Variants in CBFA2T2 observed in about 807,000 individuals in gnomAD.
The protein encoded by CBFA2T2 is protein CBFA2T2.
CBFA2T2 carries 11 observed loss-of-function variants against 62.2 expected under a neutral mutation model. That is an observed-to-expected ratio of 0.18 (90% confidence interval 0.11 to 0.29). The LOEUF (loss-of-function observed/expected upper bound fraction) is 0.29. Ranked by LOEUF, CBFA2T2 falls within the 10% of genes least tolerant of loss-of-function variation. The pLI is 1.00. For synonymous variants in CBFA2T2, 295 were observed against 287.5 expected (o/e 1.03, Z -0.27); for missense variants, 592 against 774.1 (o/e 0.76, Z 2.79).
At chr20:33,546,671 G>A (rs2146881878) in intron 1 of CBFA2T2, among the ~76,000 whole-genome samples, 1 of 150,122 alleles carries the variant, frequency 6.7e-6, no homozygotes, top group South Asian at 2.1e-4. Context: ...TTTATTTTTT[G>A]TATTTTTTTA....
chr20:33,502,923 T>C lies in CBFA2T2; in HGVS notation c.34+12622T>C, dbSNP rs2011316987. The stretch of plus-strand genomic sequence containing the variant: ...GGCTAACACGGCGAAACCCCATCTC[T>C]ACTAAAAAATACAGAAAATTAGCCG... On this transcript the variant is annotated intron_variant, in intron 1 of 10. Transcript: ENST00000342704. Among the ~76,000 whole-genome samples the C allele has an allele frequency of 1.3e-5, 2 of 149,956 alleles. 1 individual carries two copies. The highest frequency in any genetic ancestry group is 3.0e-5 in the Non-Finnish European group (2 of 67,528).
At position 33,649,060 on chromosome 20, in the gene CBFA2T2, TA is replaced by T. The variant is rs2017154995; in HGVS notation, c.*4417del. On this transcript the variant is annotated 3_prime_UTR_variant, in exon 11 of 11. Coordinates refer to ENST00000342704, the MANE Select transcript of CBFA2T2 (RefSeq NM_001032999.3). ...CTGTCCTGGAAACTGTAGAATTGAA[TA>T]AATCACTGAAAATAGAACACTTCTT... 6.6e-6 allele frequency: 1 copy of T among 152,184 alleles called. No homozygotes were observed. The highest frequency in any genetic ancestry group is 2.4e-5 in the African/African-American group (1 of 41,444). 9.4% of individuals were successfully genotyped at this position (152,184 alleles called of 1,614,324 possible).
At position 33,647,286 on chromosome 20, in the gene CBFA2T2, T is replaced by C. The variant is rs2017085467; in HGVS notation, c.*2640T>C. The stretch of plus-strand genomic sequence containing the variant: ...AGCAGGTTTTTTATTGTTATTTTGT[T>C]TGTTTGTTTGTTTTGAGACGGGAGT... On this transcript the variant is annotated 3_prime_UTR_variant, in exon 11 of 11. Transcript: ENST00000342704. The C allele has an allele frequency of 6.6e-6, 1 of 152,226 alleles. No individual in the cohort carries two copies. The highest frequency in any genetic ancestry group is 1.5e-5 in the Non-Finnish European group (1 of 68,060). 9.4% of individuals were successfully genotyped at this position (152,226 alleles called of 1,614,324 possible). A position where few individuals can be genotyped will look rare whatever the true frequency, so the allele number is the denominator to read the frequency against.
At chr20:33,545,144 AAAT>A (rs1387157258) in intron 1 of CBFA2T2, among the ~76,000 whole-genome samples, 2 of 152,226 alleles carry the variant, frequency 1.3e-5, no homozygotes, top group African/African-American at 2.4e-5. Context: ...AACCTTTGTG[AAAT>A]AATAAGCATT....
chr20:33,519,744 A>G (rs1226644394), intron 1 of CBFA2T2, among the ~76,000 whole-genome samples: 1 of 152,102 alleles, frequency 6.6e-6, no homozygotes, highest in African/African-American at 2.4e-5. Context: ...AGGAATCTTC[A>G]TTTTCAGCAG....
Position 33,644,819 on chromosome 20 carries a change from C to T in CBFA2T2, c.*173C>T, listed in dbSNP as rs1013256610. 1.5e-5 allele frequency: 10 copies of T among 680,124 alleles called. No homozygotes were observed. The highest frequency in any genetic ancestry group is 2.4e-5 in the Non-Finnish European group (10 of 415,352). 42.1% of individuals were successfully genotyped at this position (680,124 alleles called of 1,614,324 possible). A position where few individuals can be genotyped will look rare whatever the true frequency, so the allele number is the denominator to read the frequency against. ...ACCCCACAGCCTCTCTGTGCACTTGCTGTCTGCGGAGCCAGTGTGCCATTC... is the reference window on the plus strand; with the variant it reads ...ACCCCACAGCCTCTCTGTGCACTTGTTGTCTGCGGAGCCAGTGTGCCATTC... On this transcript the variant is annotated 3_prime_UTR_variant, in exon 11 of 11. Coordinates refer to ENST00000342704, the MANE Select transcript of CBFA2T2 (RefSeq NM_001032999.3).
At chr20:33,562,132 GTCTGTGTGTC>G (rs911085989) in intron 1 of CBFA2T2, among the ~76,000 whole-genome samples, 35 of 152,326 alleles carry the variant, frequency 2.3e-4, no homozygotes, top group South Asian at 8.3e-4. Flanking sequence ...AAAAATGTGA[GTCTGTGTGTC>G]TCTGTGTGTC....
At chr20:33,584,552 C>T (rs572451087) in intron 1 of CBFA2T2, among the ~76,000 whole-genome samples, 24 of 152,206 alleles carry the variant, frequency 1.6e-4, no homozygotes, top group Admixed American at 7.9e-4. Context: ...CCACCGCGCC[C>T]GGCCTTAAGT....
chr20:33,559,199 A>G (rs1445204746), intron 1 of CBFA2T2, among the ~76,000 whole-genome samples: 4 of 86,432 alleles, frequency 4.6e-5, no homozygotes, highest in African/African-American at 7.5e-5. Flanking sequence ...TTTTTCTGAG[A>G]TGGAGTGTCA....
In CBFA2T2 at chr20:33,490,274, G is replaced by A; in HGVS notation, c.7G>A (p.Gly3Ser). 8.0e-7 allele frequency: 1 copy of A among 1,257,852 alleles called. No homozygotes were observed. Among genetic ancestry groups the A allele is most frequent in the Non-Finnish European group, 1.0e-6 (1 of 1,003,032 alleles). The allele number at this position is 1,257,852 out of a possible 1,614,324, so 77.9% of individuals were successfully genotyped here. A position where few individuals can be genotyped will look rare whatever the true frequency, so the allele number is the denominator to read the frequency against. Residue 3 changes from glycine to serine, a missense_variant, in exon 1 of 11, where the codon GGC becomes AGC. Transcript: ENST00000342704. The stretch of plus-strand genomic sequence containing the variant: ...GCGGCGGCGGCGCTCGGCGATGGTA[G>A]GCGTCCCTGGAGCGGCCGCCTTCCA... Reference protein sequence around the residue: MVGVPGAAAFQLG... With the variant: MVSVPGAAAFQLG...
intron 10 of CBFA2T2, among the ~76,000 whole-genome samples, chr20:33,642,416 A>G (rs1437674564): frequency 6.6e-6 from 1 of 152,064 alleles, no homozygotes; most frequent in Non-Finnish European, 1.5e-5. Context: ...AGCCTTGGCT[A>G]GATGGTGAGA....
At chr20:33,543,862 G>A (rs1168596982) in intron 1 of CBFA2T2, among the ~76,000 whole-genome samples, 1 of 151,996 alleles carries the variant, frequency 6.6e-6, no homozygotes, top group African/African-American at 2.4e-5. Context: ...TTCATTTTGA[G>A]GTGGAGTCTC....
intron 1 of CBFA2T2, among the ~76,000 whole-genome samples, chr20:33,499,130 A>G (rs2011238924): frequency 6.6e-6 from 1 of 152,110 alleles, no homozygotes; most frequent in Non-Finnish European, 1.5e-5. Context: ...GTGAATCCAG[A>G]GTTTTAGGCA....
At chr20:33,508,626 T>C (rs1600909185) in intron 1 of CBFA2T2, among the ~76,000 whole-genome samples, 1 of 152,158 alleles carries the variant, frequency 6.6e-6, no homozygotes, top group East Asian at 1.9e-4. Flanking sequence ...CCCTCTTATA[T>C]GTCTATGTGT....
intron 1 of CBFA2T2, among the ~76,000 whole-genome samples, chr20:33,503,148 G>T (rs2011324481): frequency 6.7e-6 from 1 of 149,134 alleles, no homozygotes; most frequent in African/African-American, 2.5e-5. Flanking sequence ...ATTCCTATTG[G>T]AATATTGTTT....
chr20:33,643,412 C>T (rs1435024386), intron 10 of CBFA2T2, among the ~76,000 whole-genome samples: 1 of 151,928 alleles, frequency 6.6e-6, no homozygotes, highest in Non-Finnish European at 1.5e-5. Context: ...TCTGTCTCTA[C>T]AAGAAATTAA....
At chr20:33,614,490 A>G (rs540246488) in intron 3 of CBFA2T2, among the ~76,000 whole-genome samples, 1 of 152,286 alleles carries the variant, frequency 6.6e-6, no homozygotes, top group East Asian at 1.9e-4. Flanking sequence ...TTATCATACA[A>G]CCATCATCAC....
chr20:33,544,330 T>G (rs2012478233), intron 1 of CBFA2T2, among the ~76,000 whole-genome samples: 1 of 152,158 alleles, frequency 6.6e-6, no homozygotes, highest in Non-Finnish European at 1.5e-5. Flanking sequence ...TAGACAATTC[T>G]TTTTTCACCT....
chr20:33,642,402 G>A (rs2016891541), intron 10 of CBFA2T2, among the ~76,000 whole-genome samples: 1 of 151,998 alleles, frequency 6.6e-6, no homozygotes, highest in Non-Finnish European at 1.5e-5. Context: ...AGGAGTTCAA[G>A]ACCAGCCTTG....
Sources: gnomAD v4.1 joint callset for allele counts (sites outside exome capture counted in the v4.1 genomes callset) on GRCh38, gnomAD v4.1.1 for gene constraint, MANE v1.5 for transcripts, NCBI Gene and HGNC (gene_info 2026-07-23, HGNC 2026-07-21) for gene names.